The following RAP1GDS1 variants were observed in gnomAD, a reference collection of about 807,000 sequenced individuals.
The protein encoded by RAP1GDS1 is RAP1, GTP-GDP dissociation stimulator 1.
RAP1GDS1 carries 35 observed loss-of-function variants against 71.1 expected under a neutral mutation model. The ratio of observed to expected loss-of-function variants is 0.49; its 90% CI spans 0.38 to 0.65. The LOEUF is 0.65. Among genes scored for constraint, RAP1GDS1 ranks in the 30% least tolerant of loss-of-function variants. The pLI, the probability that RAP1GDS1 is intolerant of heterozygous loss-of-function variation, is 0.00. For synonymous variants in RAP1GDS1, 229 were observed against 243.1 expected (o/e 0.94, Z 0.54); for missense variants, 663 against 706.1 (o/e 0.94, Z 0.69).
chr4:98,416,544 G>A (rs1238659838), intron 7 of RAP1GDS1, among the ~76,000 whole-genome samples: 1 of 151,218 alleles, frequency 6.6e-6, no homozygotes, highest in East Asian at 2.0e-4. Flanking sequence ...TAGAGACGGG[G>A]TTTCATGGTG....
chr4:98,289,101 CT>C (rs1288792329), intron 1 of RAP1GDS1, among the ~76,000 whole-genome samples: 1 of 152,002 alleles, frequency 6.6e-6, no homozygotes, highest in East Asian at 1.9e-4. Context: ...CAAGGTAGCC[CT>C]TTTTTTACTG....
chr4:98,305,366 T>C (rs1729169342), intron 2 of RAP1GDS1, among the ~76,000 whole-genome samples: 1 of 152,022 alleles, frequency 6.6e-6, no homozygotes, highest in Non-Finnish European at 1.5e-5. Flanking sequence ...ATTTGTAGTT[T>C]GGTAGAGAAC....
Position 98,317,978 on chromosome 4 carries a change from A to G in RAP1GDS1, c.112+24463A>G, listed in dbSNP as rs530569923. Among the ~76,000 whole-genome samples the G allele has an allele frequency of 1.6e-4, 24 of 151,522 alleles. 1 individual carries two copies. The South Asian group carries it at 1.7e-3, about 11-fold the overall frequency. On this transcript the variant is annotated intron_variant, in intron 2 of 14. Transcript: ENST00000408927. The stretch of plus-strand genomic sequence containing the variant: ...GTGCCTCAGCTTCCTCAGTAGCTGG[A>G]ATTACAAGTGCACACCACCACGCCC...
At chr4:98,301,936 T>A (rs1365620099) in intron 2 of RAP1GDS1, among the ~76,000 whole-genome samples, 1 of 152,176 alleles carries the variant, frequency 6.6e-6, no homozygotes, top group Admixed American at 6.5e-5. Flanking sequence ...TACCCCACTT[T>A]GGTCTCAGTT....
intron 13 of RAP1GDS1, 77 bp downstream of exon 13, chr4:98,434,139 T>C: frequency 6.5e-7 from 1 of 1,540,080 alleles, no homozygotes; most frequent in Non-Finnish European, 8.9e-7. Context: ...GGAGTTGAAG[T>C]CAGACAGAAC....
chr4:98,393,338 T>A (rs1054734235), intron 6 of RAP1GDS1, among the ~76,000 whole-genome samples: 1 of 152,232 alleles, frequency 6.6e-6, no homozygotes, highest in African/African-American at 2.4e-5. Context: ...TGTGAATGTT[T>A]CTCATCTTCT....
At chr4:98,418,571 A>C (rs1748342163) in intron 9 of RAP1GDS1, 86 bp from the exon 10 acceptor site, 2 of 1,197,936 alleles carry the variant, frequency 1.7e-6, no homozygotes, top group Non-Finnish European at 2.2e-6. Context: ...ATTTTCCCTA[A>C]TGTAGATAAT....
intron 14 of RAP1GDS1, among the ~76,000 whole-genome samples, chr4:98,439,295 T>C (rs1262131593): frequency 6.6e-6 from 1 of 152,228 alleles, no homozygotes; most frequent in Non-Finnish European, 1.5e-5. Flanking sequence ...ATTGTGTTCT[T>C]ATGTGTTTTA....
At chr4:98,303,049 TAAA>T (rs536421624) in intron 2 of RAP1GDS1, among the ~76,000 whole-genome samples, 3 of 105,128 alleles carry the variant, frequency 2.9e-5, no homozygotes, top group Non-Finnish European at 2.1e-5. Flanking sequence ...CAGTCTCAAA[TAAA>T]AAAAAAAAAA....
intron 2 of RAP1GDS1, among the ~76,000 whole-genome samples, chr4:98,337,777 C>T (rs1227858922): frequency 2.6e-5 from 4 of 151,818 alleles, no homozygotes; most frequent in African/African-American, 7.3e-5. Flanking sequence ...ACATCATGTG[C>T]AGAAAGGAGT....
intron 7 of RAP1GDS1, among the ~76,000 whole-genome samples, chr4:98,407,264 A>C (rs763786843): frequency 2.6e-5 from 4 of 151,814 alleles, no homozygotes; most frequent in Non-Finnish European, 5.9e-5. Flanking sequence ...TAATCTAGCT[A>C]GTGGTCTATT....
intron 2 of RAP1GDS1, among the ~76,000 whole-genome samples, chr4:98,320,326 A>G (rs1386568277): frequency 2.6e-5 from 4 of 152,056 alleles, no homozygotes; most frequent in African/African-American, 4.8e-5. Flanking sequence ...CTCTTTTTAG[A>G]TTAGTGTTGA....
At chr4:98,421,458 T>C (rs1352644564) in intron 12 of RAP1GDS1, 64 bp downstream of exon 12, 4 of 1,435,550 alleles carry the variant, frequency 2.8e-6, no homozygotes, top group Non-Finnish European at 3.7e-6. Flanking sequence ...AACCCAGCAT[T>C]GTAGGTCCTA....
chr4:98,334,256 C>T (rs1020288217), intron 2 of RAP1GDS1, among the ~76,000 whole-genome samples: 4 of 152,080 alleles, frequency 2.6e-5, no homozygotes, highest in East Asian at 1.9e-4. Context: ...AGCATATATA[C>T]ATACACACAA....
chr4:98,434,075 G>T lies in RAP1GDS1; in HGVS notation c.1567+13G>T. ...GCTTTAGAATTGGGTAAGTACCCCA[G>T]TGACAAACTTATTTTCTTCTATTTT... is the stretch of plus-strand genomic sequence containing the variant. On this transcript the variant is annotated intron_variant, in intron 13 of 14. Transcript: ENST00000408927. 6.2e-7 allele frequency: 1 copy of T among 1,610,528 alleles called. No homozygotes were observed.
At chr4:98,425,822 AG>A (rs781654612) in intron 12 of RAP1GDS1, among the ~76,000 whole-genome samples, 9 of 152,232 alleles carry the variant, frequency 5.9e-5, no homozygotes, top group Non-Finnish European at 1.3e-4. Context: ...TTATCAAGAC[AG>A]AAAGTCAACA....
intron 6 of RAP1GDS1, among the ~76,000 whole-genome samples, chr4:98,402,961 GAGAA>G (rs1204506723): frequency 6.6e-6 from 1 of 152,138 alleles, no homozygotes; most frequent in Non-Finnish European, 1.5e-5. Flanking sequence ...TTGCTAGTAT[GAGAA>G]AGTAATAGAG....
chr4:98,309,642 AAT>A (rs1419713277), intron 2 of RAP1GDS1, among the ~76,000 whole-genome samples: 1 of 152,016 alleles, frequency 6.6e-6, no homozygotes, highest in Non-Finnish European at 1.5e-5. Context: ...GCACATTAAA[AAT>A]ATATAGATTC....
At chr4:98,291,641 C>T (rs1342071154) in intron 1 of RAP1GDS1, among the ~76,000 whole-genome samples, 1 of 152,096 alleles carries the variant, frequency 6.6e-6, no homozygotes, top group Non-Finnish European at 1.5e-5. Context: ...AGAGTTAAGG[C>T]CTCTATTTGT....
Sources: gnomAD v4.1 joint callset for allele counts (sites outside exome capture counted in the v4.1 genomes callset) on GRCh38, gnomAD v4.1.1 for gene constraint, MANE v1.5 for transcripts, NCBI Gene and HGNC (gene_info 2026-07-23, HGNC 2026-07-21) for gene names.